The following TSC22D1 variants were observed in gnomAD, a reference collection of about 807,000 sequenced individuals.
The protein encoded by TSC22D1 is TSC22 domain family protein 1.
A neutral mutation model predicts 74.2 loss-of-function variants in TSC22D1; 9 were observed. That is an observed-to-expected ratio of 0.12 (90% CI 0.07 to 0.21). The LOEUF is 0.21. TSC22D1 is among the 10% of genes least tolerant of loss of function. The pLI is 1.00. For missense variants in TSC22D1, 1,427 were observed against 1,304.7 expected (o/e 1.09, Z -1.44); for synonymous variants, 586 against 492.5 (o/e 1.19, Z -2.51).
chr13:44,528,426 T>A (rs997327100), intron 1 of TSC22D1, among the ~76,000 whole-genome samples: 1 of 152,082 alleles, frequency 6.6e-6, no homozygotes, highest in Admixed American at 6.6e-5. Flanking sequence ...CTTAGAAATT[T>A]AAAAATACAC....
chr13:44,567,202 A>G (rs957019225), intron 1 of TSC22D1, among the ~76,000 whole-genome samples: 4 of 152,186 alleles, frequency 2.6e-5, no homozygotes, highest in African/African-American at 9.7e-5. Flanking sequence ...GAATGCTTGT[A>G]GAAAGGCCTT....
chr13:44,574,666 A>G lies in TSC22D1; in HGVS notation c.1409T>C (p.Val470Ala). The change falls in exon 1 of 3, where the codon GTG (valine) becomes GCG (alanine). Residue 470 changes from valine to alanine, a missense_variant. By Grantham distance (64) the Val-to-Ala change is moderately conservative (BLOSUM62 0). Coordinates refer to ENST00000458659, the MANE Select transcript of TSC22D1 (RefSeq NM_183422.4). ...ACTCAGTGTGCTGACACTACTGCTC[A>G]CTGAACTCCCACTAGTGCTCTCCCT... ...SERESTSGSS[V>A]SSSVSTLSHY... The G allele has an allele frequency of 6.2e-7, 1 of 1,614,088 alleles. No individual in the cohort carries two copies. Among genetic ancestry groups the G allele is most frequent in the Non-Finnish European group, 8.5e-7 (1 of 1,180,010 alleles).
At chr13:44,567,982 G>T (rs995352490) in intron 1 of TSC22D1, among the ~76,000 whole-genome samples, 1 of 152,098 alleles carries the variant, frequency 6.6e-6, no homozygotes, top group African/African-American at 2.4e-5. Context: ...GAAGGAAAAG[G>T]AAGGGAAGGA....
chr13:44,503,057 G>A (rs1385434628), intron 1 of TSC22D1, among the ~76,000 whole-genome samples: 2 of 152,154 alleles, frequency 1.3e-5, no homozygotes, highest in African/African-American at 4.8e-5. Context: ...AAAGAAAAGT[G>A]AATTCAAATA....
rs1237492513 is a variant in TSC22D1, at chr13:44,574,157, T to C, written c.1918A>G (p.Met640Val). Reference sequence around the variant, plus strand: ...ACTGATTTGACATGGCCTGGGGCCATCTGTGTAGAAACCATTGGTTGCTGT... The same window carrying C: ...ACTGATTTGACATGGCCTGGGGCCACCTGTGTAGAAACCATTGGTTGCTGT... The part of the protein sequence containing the change: ...GQQQPMVSTQ[M>V]APGHVKSVTQ... The change falls in exon 1 of 3, where the codon ATG (methionine) becomes GTG (valine). Residue 640 changes from methionine (M) to valine (V), a missense_variant. Transcript: ENST00000458659. 2 of 1,614,224 alleles carry C rather than the reference T, an allele frequency of 1.2e-6. No individual in the cohort carries two copies. The highest frequency in any genetic ancestry group is 8.5e-7 in the Non-Finnish European group (1 of 1,180,014).
chr13:44,576,220 C>T lies in TSC22D1; in HGVS notation c.-146G>A. On this transcript the variant is annotated 5_prime_UTR_variant, in exon 1 of 3. Transcript: ENST00000458659. The stretch of plus-strand genomic sequence containing the variant: ...TTCTCCTCCTCCTCAGCCAAAGGCG[C>T]CGGTCGCTCCTGCCTTCGAGAGCGA... 1 of 1,213,412 alleles carries T rather than the reference C, an allele frequency of 8.2e-7. No homozygotes were observed. Among genetic ancestry groups the T allele is most frequent in the Non-Finnish European group, 1.1e-6 (1 of 902,258 alleles). 75.2% of individuals were successfully genotyped at this position (1,213,412 alleles called of 1,614,324 possible).
intron 1 of TSC22D1, among the ~76,000 whole-genome samples, chr13:44,485,440 GT>G (rs1239120151): frequency 6.6e-6 from 1 of 152,022 alleles, no homozygotes. Flanking sequence ...TATTAAAAGT[GT>G]TTTTAGTAAG....
intron 1 of TSC22D1, among the ~76,000 whole-genome samples, chr13:44,559,404 C>T (rs1429389895): frequency 6.6e-6 from 1 of 152,174 alleles, no homozygotes; most frequent in Non-Finnish European, 1.5e-5. Flanking sequence ...TCACTAAGTA[C>T]CACCTTTTTT....
intron 1 of TSC22D1, among the ~76,000 whole-genome samples, chr13:44,559,627 C>G (rs1416777927): frequency 6.6e-6 from 1 of 151,882 alleles, no homozygotes. Context: ...TGGGCCCAAG[C>G]AATTGTCCAG....
In TSC22D1 at chr13:44,528,284, C is replaced by CACATTCTG. The variant is rs375116324; in HGVS notation, c.2912+44871_2912+44878dup. Among the ~76,000 whole-genome samples the CACATTCTG allele has an allele frequency of 2.6e-3, 400 of 152,058 alleles. 3 individuals carry two copies. The highest frequency in any genetic ancestry group is 9.1e-3 in the African/African-American group (378 of 41,494). On this transcript the variant is annotated intron_variant, in intron 1 of 2. Coordinates refer to ENST00000458659, the MANE Select transcript of TSC22D1 (RefSeq NM_183422.4). Reference sequence around the variant, plus strand: ...CACATAAATGTTCACCAAAACAGACCACATTCTGGGCAATAAAAACATAAA... The same window carrying CACATTCTG: ...CACATAAATGTTCACCAAAACAGACCACATTCTGACATTCTGGGCAATAAAAACATAAA...
intron 1 of TSC22D1, among the ~76,000 whole-genome samples, chr13:44,449,121 T>G (rs1875921092): frequency 1.3e-5 from 2 of 152,002 alleles, no homozygotes; most frequent in African/African-American, 4.8e-5. Context: ...TAGTCTAGAG[T>G]GGAGCTGGTG....
intron 1 of TSC22D1, among the ~76,000 whole-genome samples, chr13:44,531,323 CTG>C (rs1387510610): frequency 6.6e-6 from 1 of 152,108 alleles, no homozygotes; most frequent in Non-Finnish European, 1.5e-5. Context: ...AATTCAGACA[CTG>C]AGGTTCTATA....
chr13:44,548,218 C>T (rs1156757162), intron 1 of TSC22D1, among the ~76,000 whole-genome samples: 1 of 152,202 alleles, frequency 6.6e-6, no homozygotes, highest in Non-Finnish European at 1.5e-5. Context: ...TTTTTAAATA[C>T]TTAGTATATA....
Position 44,435,188 on chromosome 13 carries a change from C to A in TSC22D1, c.2965-305G>T, listed in dbSNP as rs1041604541. 2.3e-5 allele frequency: 6 copies of A among 259,964 alleles called. No individual in the cohort carries two copies. The Admixed American group carries it at 3.3e-4, about 14-fold the overall frequency. 16.1% of individuals were successfully genotyped at this position (259,964 alleles called of 1,614,324 possible). On this transcript the variant is annotated intron_variant, in intron 2 of 2. Transcript: ENST00000458659. ...CTGGGTCCCCGACTGAGACCAGCAGCGGGGACGTCCAAGCCACAGCGCGCC... is the reference window on the plus strand; with the variant it reads ...CTGGGTCCCCGACTGAGACCAGCAGAGGGGACGTCCAAGCCACAGCGCGCC...
intron 1 of TSC22D1, among the ~76,000 whole-genome samples, chr13:44,496,881 A>C (rs542898256): frequency 1.6e-4 from 24 of 152,236 alleles, no homozygotes; most frequent in African/African-American, 5.8e-4. Flanking sequence ...CTTCACACCC[A>C]CTAGGATAGC....
At chr13:44,477,574 C>T (rs1425786622) in intron 1 of TSC22D1, among the ~76,000 whole-genome samples, 29 of 151,844 alleles carry the variant, frequency 1.9e-4, no homozygotes, top group Admixed American at 1.9e-3. Flanking sequence ...GAAGTTCCTT[C>T]CTGAAGTGAG....
chr13:44,575,305 G>A lies in TSC22D1; in HGVS notation c.770C>T (p.Pro257Leu). 6.2e-7 allele frequency: 1 copy of A among 1,614,160 alleles called. No individual in the cohort carries two copies. The highest frequency in any genetic ancestry group is 1.1e-5 in the South Asian group (1 of 91,084). The change falls in exon 1 of 3, where the codon CCA becomes CTA. Residue 257 changes from proline (P) to leucine (L), a missense_variant. Transcript: ENST00000458659. ...AGTTGTAGAGAGTTTTCTAGATACT[G>A]GGCTTGAGGGTGGCCCACCAGTAAT... ...ASITGGPPSS[P>L]VSRKLSTTGS...
rs1877125147 is a variant in TSC22D1 at position 44,463,812 on chromosome 13, T to C, written c.2913-27717A>G. 2.0e-5 allele frequency among the ~76,000 whole-genome samples: 3 copies of C among 152,318 alleles called. No homozygotes were observed. In the South Asian group the frequency reaches 6.2e-4, roughly 32 times the overall value. On this transcript the variant is annotated intron_variant, in intron 1 of 2. Transcript: ENST00000458659. Reference sequence around the variant, plus strand: ...TAAGAGAAAAATTAGTCATTTCCCATACTGTTTACTGTACCTGTTTTTGAG... The same window carrying C: ...TAAGAGAAAAATTAGTCATTTCCCACACTGTTTACTGTACCTGTTTTTGAG...
chr13:44,436,332 GT>G, intron 1 of TSC22D1: 2 of 1,002,608 alleles, frequency 2.0e-6, no homozygotes, highest in East Asian at 4.8e-5. Flanking sequence ...GGGAAAGCCT[GT>G]TCTCTGGCCA....
Sources: allele counts gnomAD v4.1 joint callset (sites outside exome capture counted in the v4.1 genomes callset), GRCh38; gene constraint gnomAD v4.1.1; transcripts MANE v1.5; gene names NCBI Gene and HGNC (gene_info 2026-07-23, HGNC 2026-07-21).